Variants in NRXN1 observed in about 807,000 individuals in gnomAD.
The protein encoded by NRXN1 is neurexin-1.
A neutral mutation model predicts 150.9 loss-of-function variants in NRXN1; 39 were observed. The ratio of observed to expected loss-of-function variants is 0.26; its 90% CI spans 0.20 to 0.34. The LOEUF (loss-of-function observed/expected upper bound fraction) is 0.34, where lower values mean the gene tolerates loss of function less well. NRXN1 is among the 10% of genes least tolerant of loss of function. NRXN1 has a pLI of 1.00. For synonymous variants in NRXN1, 924 were observed against 757.0 expected (o/e 1.22, Z -3.62); for missense variants, 1,815 against 1,949.9 (o/e 0.93, Z 1.30).
chr2:50,091,860 T>G (rs905744246), intron 18 of NRXN1, among the ~76,000 whole-genome samples: 2 of 152,116 alleles, frequency 1.3e-5, no homozygotes. Context: ...GGCTCCAAAT[T>G]CTTACTTTTA....
rs190809554 is a variant in NRXN1 at position 50,188,026 on chromosome 2, G to A, written c.3546+48763C>T. 5.8e-3 allele frequency among the ~76,000 whole-genome samples: 879 copies of A among 152,180 alleles called. 9 individuals are homozygous for A. Among genetic ancestry groups the A allele is most frequent in the Non-Finnish European group, 0.01 (705 of 67,984 alleles). ...TATACAAACATGTCATCTGCAAACA[G>A]AGAAAATTTGACTTCCTCTCTTCCT... On this transcript the variant is annotated intron_variant, in intron 18 of 22. Transcript: ENST00000401669.
chr2:50,355,988 G>T (rs866596847), intron 17 of NRXN1, among the ~76,000 whole-genome samples: 21 of 151,870 alleles, frequency 1.4e-4, no homozygotes, highest in Middle Eastern at 6.8e-3. Flanking sequence ...AAGTAAGCTG[G>T]TTATAAAGAA....
At chr2:50,154,983 G>A (rs906107287) in intron 18 of NRXN1, among the ~76,000 whole-genome samples, 13 of 151,432 alleles carry the variant, frequency 8.6e-5, no homozygotes, top group African/African-American at 2.4e-4. Flanking sequence ...TTGAATAAAA[G>A]TATAAAATCA....
chr2:50,510,597 TTTTGA>T (rs1242953888), intron 12 of NRXN1, among the ~76,000 whole-genome samples: 1 of 151,452 alleles, frequency 6.6e-6, no homozygotes, highest in Non-Finnish European at 1.5e-5. Context: ...TTGTAGGGAG[TTTTGA>T]TTTGTTTGTA....
chr2:50,863,867 T>G (rs148028907), intron 5 of NRXN1, among the ~76,000 whole-genome samples: 116 of 152,118 alleles, frequency 7.6e-4, no homozygotes, highest in African/African-American at 2.7e-3. Flanking sequence ...ATTAAAAACC[T>G]GCTAGACCAT....
chr2:50,334,307 G>A (rs1401385482), intron 17 of NRXN1, among the ~76,000 whole-genome samples: 5 of 151,154 alleles, frequency 3.3e-5, no homozygotes, highest in African/African-American at 1.2e-4. Flanking sequence ...TCAATAGTAA[G>A]CTGCATTTGT....
At chr2:50,006,604 C>A (rs779110732) in intron 21 of NRXN1, among the ~76,000 whole-genome samples, 1 of 152,150 alleles carries the variant, frequency 6.6e-6, no homozygotes, top group Non-Finnish European at 1.5e-5. Context: ...TTAGGTTACT[C>A]TTTTCCTCAA....
rs70958638 is a variant in NRXN1 at position 51,017,503 on chromosome 2, C to CTTTTT, written c.772+9994_772+9998dup. 1.1e-4 allele frequency among the ~76,000 whole-genome samples: 5 copies of CTTTTT among 44,302 alleles called. 1 individual carries two copies. The highest frequency in any genetic ancestry group is 3.4e-4 in the African/African-American group (3 of 8,856). 29.1% of individuals were successfully genotyped at this position (44,302 alleles called of 152,430 possible). A position where few individuals can be genotyped will look rare whatever the true frequency, so the allele number is the denominator to read the frequency against. On this transcript the variant is annotated intron_variant, in intron 2 of 22. Coordinates refer to ENST00000401669, the MANE Select transcript of NRXN1 (RefSeq NM_001330078.2). ...ATACACGTATGGCCACCACATCTGGCTTTTTTTTTTTTTTTTTTTTTTTTT... is the reference window on the plus strand; with the variant it reads ...ATACACGTATGGCCACCACATCTGGCTTTTTTTTTTTTTTTTTTTTTTTTTTTTTT...
chr2:50,421,267 T>G, intron 17 of NRXN1, among the ~76,000 whole-genome samples: 1 of 151,908 alleles, frequency 6.6e-6, no homozygotes, highest in East Asian at 1.9e-4. Context: ...AAAACAGCGA[T>G]TTTCAATTTC....
At chr2:50,341,668 A>C (rs538194145) in intron 17 of NRXN1, among the ~76,000 whole-genome samples, 1 of 152,180 alleles carries the variant, frequency 6.6e-6, no homozygotes, top group Non-Finnish European at 1.5e-5. Context: ...TCCTATCTTA[A>C]CTACATTTAC....
At chr2:50,440,366 G>A (rs189540155) in intron 17 of NRXN1, among the ~76,000 whole-genome samples, 2 of 151,868 alleles carry the variant, frequency 1.3e-5, no homozygotes, top group South Asian at 4.2e-4. Flanking sequence ...CAAACCTGAC[G>A]GATCTAGTTT....
intron 18 of NRXN1, among the ~76,000 whole-genome samples, chr2:50,164,887 A>G (rs2059580115): frequency 1.3e-5 from 2 of 152,232 alleles, no homozygotes. Flanking sequence ...TGTCACTTCC[A>G]GGGCTCTGTA....
chr2:50,376,009 C>G (rs921159482), intron 17 of NRXN1, among the ~76,000 whole-genome samples: 2 of 150,636 alleles, frequency 1.3e-5, no homozygotes, highest in African/African-American at 2.4e-5. Context: ...TGGACCCTGA[C>G]TCATTTAGAA....
At chr2:50,720,483 T>C (rs1696499000) in intron 5 of NRXN1, among the ~76,000 whole-genome samples, 1 of 152,148 alleles carries the variant, frequency 6.6e-6, no homozygotes, top group African/African-American at 2.4e-5. Context: ...GCTGCTACTT[T>C]TATGCCATAC....
intron 2 of NRXN1, among the ~76,000 whole-genome samples, chr2:50,957,678 G>A (rs545606968): frequency 6.6e-6 from 1 of 152,102 alleles, no homozygotes; most frequent in South Asian, 2.1e-4. Flanking sequence ...AAACACTAAA[G>A]GATTCTTATT....
chr2:50,149,349 A>T (rs2058561783), intron 18 of NRXN1, among the ~76,000 whole-genome samples: 1 of 151,778 alleles, frequency 6.6e-6, no homozygotes, highest in Non-Finnish European at 1.5e-5. Context: ...GCTGGCAAAG[A>T]AGTGGAGATA....
At chr2:50,698,561 G>A (rs1400032662) in intron 5 of NRXN1, among the ~76,000 whole-genome samples, 1 of 152,122 alleles carries the variant, frequency 6.6e-6, no homozygotes, top group Non-Finnish European at 1.5e-5. Flanking sequence ...ATATATAAAT[G>A]TTTTCTCAGT....
chr2:50,553,128 G>T (rs536694551), intron 8 of NRXN1, 103 bp from the exon 9 acceptor site: 5 of 812,532 alleles, frequency 6.2e-6, no homozygotes, highest in South Asian at 5.2e-5. Context: ...AAAGGCACAC[G>T]ATATTTAGTT....
chr2:50,498,919 T>C (rs1185008554), intron 13 of NRXN1, among the ~76,000 whole-genome samples: 1 of 152,184 alleles, frequency 6.6e-6, no homozygotes, highest in Non-Finnish European at 1.5e-5. Flanking sequence ...CCTCTTTCCA[T>C]CATCCACATT....
Sources: gnomAD v4.1 joint callset for allele counts (sites outside exome capture counted in the v4.1 genomes callset) on GRCh38, gnomAD v4.1.1 for gene constraint, MANE v1.5 for transcripts, NCBI Gene and HGNC (gene_info 2026-07-23, HGNC 2026-07-21) for gene names.